The following SYN2 variants were observed in gnomAD, a reference collection of about 807,000 sequenced individuals.
SYN2 encodes synapsin-2.
SYN2 carries 19 observed loss-of-function variants against 50.9 expected under a neutral mutation model. The ratio of observed to expected loss-of-function variants is 0.37; its 90% CI spans 0.26 to 0.55. SYN2 has a LOEUF of 0.55. SYN2 is among the 20% of genes least tolerant of loss of function. The pLI is 0.81. For missense variants in SYN2, 587 were observed against 576.4 expected (o/e 1.02, Z -0.19); for synonymous variants, 255 against 224.9 (o/e 1.13, Z -1.20).
intron 1 of SYN2, among the ~76,000 whole-genome samples, chr3:12,077,492 G>T (rs1288648411): frequency 6.6e-6 from 1 of 151,652 alleles, no homozygotes; most frequent in Non-Finnish European, 1.5e-5. Context: ...ATCCTGATAG[G>T]CCCCAGTGTG....
At chr3:12,021,085 T>A (rs1694125202) in intron 1 of SYN2, among the ~76,000 whole-genome samples, 2 of 152,216 alleles carry the variant, frequency 1.3e-5, no homozygotes, top group South Asian at 4.1e-4. Flanking sequence ...AATTTTGACA[T>A]ATGCCAGTCT....
chr3:12,058,305 G>A (rs912440668), intron 1 of SYN2, among the ~76,000 whole-genome samples: 2 of 152,106 alleles, frequency 1.3e-5, no homozygotes, highest in Non-Finnish European at 2.9e-5. Flanking sequence ...ATTCCCAGCT[G>A]TATTGTTAAA....
At chr3:12,156,660 A>C (rs1375887007) in intron 5 of SYN2, among the ~76,000 whole-genome samples, 3 of 152,212 alleles carry the variant, frequency 2.0e-5, no homozygotes, top group Non-Finnish European at 4.4e-5. Context: ...GGCTCCTCCT[A>C]ACCCAGAGGT....
chr3:12,167,358 C>T (rs1308366756), intron 8 of SYN2, 50 bp downstream of exon 8: 11 of 1,550,186 alleles, frequency 7.1e-6, no homozygotes, highest in Non-Finnish European at 9.7e-6. Context: ...AGGGAGGCTT[C>T]CTTAGATGAA....
At chr3:12,178,832 A>G (rs1001132096) in intron 10 of SYN2, among the ~76,000 whole-genome samples, 1 of 152,242 alleles carries the variant, frequency 6.6e-6, no homozygotes, top group South Asian at 2.1e-4. Context: ...TGGCAAATGT[A>G]TCTTTGTTTC....
At chr3:12,052,261 G>C (rs1305513690) in intron 1 of SYN2, among the ~76,000 whole-genome samples, 1 of 152,040 alleles carries the variant, frequency 6.6e-6, no homozygotes, top group Non-Finnish European at 1.5e-5. Flanking sequence ...GAATTTTAAA[G>C]AGGTTAAGTA....
chr3:12,161,463 G>C, intron 5 of SYN2, 83 bp from the exon 6 acceptor site: 2 of 1,499,594 alleles, frequency 1.3e-6, no homozygotes, highest in Non-Finnish European at 9.2e-7. Context: ...CCTCCCAAGG[G>C]TATTCCCAAG....
intron 1 of SYN2, among the ~76,000 whole-genome samples, chr3:12,075,295 G>A (rs1393471643): frequency 6.6e-6 from 1 of 152,104 alleles, no homozygotes; most frequent in Non-Finnish European, 1.5e-5. Flanking sequence ...CACAAAGGTT[G>A]TTTTCATAAC....
intron 1 of SYN2, among the ~76,000 whole-genome samples, chr3:12,043,837 A>T (rs934921823): frequency 6.6e-6 from 1 of 152,166 alleles, no homozygotes; most frequent in Non-Finnish European, 1.5e-5. Context: ...AATCTCCATC[A>T]TGAAACTTCC....
intron 11 of SYN2, chr3:12,185,092 C>G (rs1255113396): frequency 1.0e-6 from 1 of 985,806 alleles, no homozygotes; most frequent in Non-Finnish European, 1.2e-6. Context: ...ATGTTGTCAT[C>G]TGTAATCCCT....
intron 10 of SYN2, among the ~76,000 whole-genome samples, chr3:12,180,670 G>A (rs952147293): frequency 4.6e-5 from 7 of 152,182 alleles, no homozygotes; most frequent in Admixed American, 1.3e-4. Flanking sequence ...CAGTGGAGCC[G>A]GGGCCAAGAG....
chr3:12,088,667 A>G (rs1406090718), intron 1 of SYN2, among the ~76,000 whole-genome samples: 1 of 152,026 alleles, frequency 6.6e-6, no homozygotes, highest in East Asian at 1.9e-4. Flanking sequence ...ACGGATAAAC[A>G]AAAATGTAGT....
At chr3:12,048,226 G>A (rs1694784604) in intron 1 of SYN2, among the ~76,000 whole-genome samples, 1 of 152,198 alleles carries the variant, frequency 6.6e-6, no homozygotes, top group South Asian at 2.1e-4. Flanking sequence ...CCAGGCTGGA[G>A]TGCAGTGGTA....
At chr3:12,028,594 A>T (rs548917057) in intron 1 of SYN2, among the ~76,000 whole-genome samples, 257 of 145,064 alleles carry the variant, frequency 1.8e-3, no homozygotes, top group South Asian at 7.9e-3. Context: ...GATATCTCAT[A>T]GTGGTTTTGA....
Position 12,190,477 on chromosome 3 carries a change from T to A in SYN2, c.1614-13T>A, listed in dbSNP as rs1355317026. On this transcript the variant is annotated splice_polypyrimidine_tract_variant and intron_variant, in intron 12 of 12. Transcript: ENST00000621198. ...ACCACCCTCTCACATTCTCTCTGGT[T>A]TTTATCTTCAAGCAAGTCGCAGTCC... 2 of 1,613,520 alleles carry A rather than the reference T, an allele frequency of 1.2e-6. No individual in the cohort carries two copies. Among genetic ancestry groups the A allele is most frequent in the Non-Finnish European group, 1.7e-6 (2 of 1,179,760 alleles).
intron 1 of SYN2, among the ~76,000 whole-genome samples, chr3:12,097,608 CAAA>C (rs35095165): frequency 2.1e-5 from 2 of 94,846 alleles, no homozygotes; most frequent in Non-Finnish European, 2.4e-5. Context: ...TCCATCTCAA[CAAA>C]AAAAAAAAAA....
chr3:12,108,503 C>T (rs941156553), intron 1 of SYN2, among the ~76,000 whole-genome samples: 3 of 152,096 alleles, frequency 2.0e-5, no homozygotes, highest in South Asian at 2.1e-4. Flanking sequence ...GGTTTCAGTT[C>T]GGAGATAGGA....
At chr3:12,177,050 G>A (rs939373774) in intron 10 of SYN2, among the ~76,000 whole-genome samples, 18 of 152,214 alleles carry the variant, frequency 1.2e-4, no homozygotes, top group African/African-American at 4.1e-4. Context: ...GATCCAGACT[G>A]TGTGCAGCCA....
intron 1 of SYN2, among the ~76,000 whole-genome samples, chr3:12,113,906 A>G (rs1696376862): frequency 6.6e-6 from 1 of 152,126 alleles, no homozygotes; most frequent in South Asian, 2.1e-4. Context: ...GTTGCTATGA[A>G]CATTCATGTA....
Sources: allele counts gnomAD v4.1 joint callset (sites outside exome capture counted in the v4.1 genomes callset), GRCh38; gene constraint gnomAD v4.1.1; transcripts MANE v1.5; gene names NCBI Gene and HGNC (gene_info 2026-07-23, HGNC 2026-07-21).